The following MTMR3 variants were observed in gnomAD, a reference collection of about 807,000 sequenced individuals.
The protein encoded by MTMR3 is myotubularin related protein 3.
A neutral mutation model predicts 132.4 loss-of-function variants in MTMR3; 32 were observed. The ratio of observed to expected loss-of-function variants is 0.24; its 90% CI spans 0.18 to 0.32. The LOEUF (loss-of-function observed/expected upper bound fraction) is 0.32, where lower values mean the gene tolerates loss of function less well. MTMR3 is among the 10% of genes least tolerant of loss of function. The pLI is 1.00. For missense variants in MTMR3, 1,216 were observed against 1,489.6 expected, an observed-to-expected ratio of 0.82 and a Z score of 3.02; for synonymous variants, 556 against 550.3, an observed-to-expected ratio of 1.01 and a Z score of -0.14.
At chr22:29,979,099 A>T (rs375051044) in intron 5 of MTMR3, 47 bp downstream of exon 5, 1 of 1,310,524 alleles carries the variant, frequency 7.6e-7, no homozygotes. Flanking sequence ...TGGAGAAAGT[A>T]AGTCAAAAAA....
chr22:29,950,403 G>A (rs924672885), intron 1 of MTMR3, among the ~76,000 whole-genome samples: 3 of 150,236 alleles, frequency 2.0e-5, no homozygotes, highest in South Asian at 2.1e-4. Context: ...TCACTCTGTC[G>A]CCCAGGCTGG....
intron 3 of MTMR3, among the ~76,000 whole-genome samples, chr22:29,971,343 T>G (rs2145872838): frequency 6.6e-6 from 1 of 152,308 alleles, no homozygotes; most frequent in East Asian, 1.9e-4. Flanking sequence ...GACTAAAACA[T>G]ACAGTTCTCG....
chr22:30,008,772 T>A, intron 11 of MTMR3: 1 of 399,808 alleles, frequency 2.5e-6, no homozygotes, highest in South Asian at 4.7e-5. Flanking sequence ...ATAGCTTTTA[T>A]TTTATGTCAG....
chr22:29,903,905 C>A (rs1011784044), intron 1 of MTMR3, among the ~76,000 whole-genome samples: 10 of 152,090 alleles, frequency 6.6e-5, no homozygotes, highest in Admixed American at 6.5e-4. Flanking sequence ...ACAGGTATCT[C>A]ATTTGTAGGC....
intron 1 of MTMR3, among the ~76,000 whole-genome samples, chr22:29,933,916 A>G (rs773464148): frequency 2.0e-5 from 3 of 152,096 alleles, no homozygotes; most frequent in Non-Finnish European, 4.4e-5. Flanking sequence ...TCTCAATGAG[A>G]TGATGCACTT....
At position 30,007,914 on chromosome 22, in the gene MTMR3, A is replaced by G. The variant is rs2067309328; in HGVS notation, c.891A>G (p.Ser297=). The G allele has an allele frequency of 6.2e-7, 1 of 1,613,546 alleles. No individual in the cohort carries two copies. Among genetic ancestry groups the G allele is most frequent in the South Asian group, 1.1e-5 (1 of 91,058 alleles). The change falls in exon 11 of 20, where the codon TCA becomes TCG. Residue 297 remains serine (S), a synonymous_variant. Transcript: ENST00000401950. ...LSDVEFDSSL[S]NASGAESLAI... is the part of the protein sequence containing the mutation. The stretch of plus-strand genomic sequence containing the variant: ...CTGTGTCCCTAGATTCTTCTCTGTC[A>G]AATGCTTCAGGAGCAGAGAGTTTAG...
At chr22:29,900,025 TTAA>T (rs370283630) in intron 1 of MTMR3, among the ~76,000 whole-genome samples, 2 of 152,368 alleles carry the variant, frequency 1.3e-5, no homozygotes, top group African/African-American at 4.8e-5. Context: ...GTGAATACAC[TTAA>T]TGATAAGCCA....
Position 30,017,915 on chromosome 22 carries a change from C to A in MTMR3, c.1675-12C>A. On this transcript the variant is annotated splice_polypyrimidine_tract_variant and intron_variant, in intron 15 of 19. Coordinates refer to ENST00000401950, the MANE Select transcript of MTMR3 (RefSeq NM_021090.4). ...GGGGCATATTTAAACCTGTGTCCTC[C>A]CCCCTCCTCAGGTGCTGTACCCTGT... The A allele has an allele frequency of 6.2e-7, 1 of 1,612,328 alleles. No individual in the cohort carries two copies. The highest frequency in any genetic ancestry group is 8.5e-7 in the Non-Finnish European group (1 of 1,179,372).
chr22:29,995,005 CTTG>C (rs1354752003), intron 7 of MTMR3: 3 of 152,254 alleles, frequency 2.0e-5, no homozygotes, highest in African/African-American at 7.2e-5. Context: ...TTGCAATTGA[CTTG>C]TTGGTGATGG....
chr22:29,946,450 T>C (rs181871499), intron 1 of MTMR3, among the ~76,000 whole-genome samples: 1 of 152,274 alleles, frequency 6.6e-6, no homozygotes, highest in East Asian at 1.9e-4. Context: ...GAAAGGCTTA[T>C]CATTTCTGTG....
intron 5 of MTMR3, chr22:29,986,648 T>A (rs2066863118): frequency 1.1e-6 from 1 of 913,284 alleles, no homozygotes; most frequent in Admixed American, 6.5e-5. Context: ...CAGGCAAGAT[T>A]TTTCTTTTTT....
At chr22:30,005,717 C>A (rs2067260308) in intron 9 of MTMR3, 1 of 152,120 alleles carries the variant, frequency 6.6e-6, no homozygotes, top group Admixed American at 6.5e-5. Context: ...TGATTAGTGC[C>A]AAATTTAACT....
At chr22:29,910,802 C>T (rs535651940) in intron 1 of MTMR3, among the ~76,000 whole-genome samples, 7 of 150,242 alleles carry the variant, frequency 4.7e-5, no homozygotes, top group African/African-American at 1.5e-4. Flanking sequence ...CCACGGAAAT[C>T]TTTAGTAAAA....
intron 2 of MTMR3, 65 bp from the exon 3 acceptor site, chr22:29,970,911 A>C: frequency 1.8e-5 from 12 of 671,508 alleles, no homozygotes; most frequent in East Asian, 2.8e-5. Flanking sequence ...GGGAAAAACT[A>C]TTGCCAATTT....
intron 1 of MTMR3, among the ~76,000 whole-genome samples, chr22:29,928,019 C>G (rs905467183): frequency 2.1e-5 from 3 of 145,372 alleles, no homozygotes; most frequent in African/African-American, 7.6e-5. Flanking sequence ...CAGGTCACTG[C>G]AAACTCCACC....
At chr22:29,946,392 G>C (rs9614111) in intron 1 of MTMR3, among the ~76,000 whole-genome samples, 20,432 of 152,122 alleles carry the variant, frequency 0.13, 1,556 homozygotes, top group South Asian at 0.24. Context: ...AGCAGTCAGG[G>C]TTGAGGGTTA....
intron 1 of MTMR3, among the ~76,000 whole-genome samples, chr22:29,930,545 A>G (rs1170849479): frequency 6.6e-6 from 1 of 152,152 alleles, no homozygotes; most frequent in African/African-American, 2.4e-5. Flanking sequence ...ACAAAAAGTT[A>G]GCTGAGCGTG....
Position 30,026,032 on chromosome 22 carries a change from T to A in MTMR3, c.*231T>A. The A allele has an allele frequency of 2.2e-6, 1 of 453,578 alleles. No homozygotes were observed. The highest frequency in any genetic ancestry group is 3.9e-6 in the Non-Finnish European group (1 of 258,296). The allele number at this position is 453,578 out of a possible 1,614,324, so 28.1% of individuals were successfully genotyped here. On this transcript the variant is annotated 3_prime_UTR_variant, in exon 20 of 20. Transcript: ENST00000401950. ...CCTCTGCCTTCAAAAAAGGAAACTT[T>A]CCCTTGGTTGTCTTAATTTTTTTTT...
At chr22:29,965,115 G>C (rs1042527337) in intron 2 of MTMR3, among the ~76,000 whole-genome samples, 1 of 151,862 alleles carries the variant, frequency 6.6e-6, no homozygotes, top group Non-Finnish European at 1.5e-5. Flanking sequence ...TCAGCATCCC[G>C]TTTGTTTCCT....
Sources: allele counts gnomAD v4.1 joint callset (sites outside exome capture counted in the v4.1 genomes callset), GRCh38; gene constraint gnomAD v4.1.1; transcripts MANE v1.5; gene names NCBI Gene and HGNC (gene_info 2026-07-23, HGNC 2026-07-21).